The following TRABD2A variants were observed in gnomAD, a reference collection of about 807,000 sequenced individuals.
TRABD2A encodes TraB domain containing 2A, also known as metalloprotease TIKI1.
In TRABD2A, 43 loss-of-function variants were observed where a neutral mutation model predicts 45.6. That is an observed-to-expected ratio of 0.94 (90% CI 0.74 to 1.22). TRABD2A has a LOEUF of 1.22. Among genes scored for constraint, TRABD2A ranks in the 50% most tolerant of loss-of-function variants. The pLI is 0.00. For synonymous variants in TRABD2A, 269 were observed against 265.0 expected, an observed-to-expected ratio of 1.02 and a Z score of -0.15; for missense variants, 642 against 652.4, an observed-to-expected ratio of 0.98 and a Z score of 0.17.
intron 6 of TRABD2A, 116 bp downstream of exon 6, chr2:84,823,835 GAA>G: frequency 7.1e-7 from 1 of 1,402,588 alleles, no homozygotes; most frequent in East Asian, 2.4e-5. Flanking sequence ...GGGTCATGAG[GAA>G]AGGGAAAGGT....
chr2:84,830,052 G>A lies in TRABD2A; in HGVS notation c.1082+2003C>T, dbSNP rs1037429579. 6.6e-6 allele frequency among the ~76,000 whole-genome samples: 1 copy of A among 151,940 alleles called. No homozygotes were observed. Among genetic ancestry groups the A allele is most frequent in the African/African-American group, 2.4e-5 (1 of 41,362 alleles). On this transcript the variant is annotated intron_variant, in intron 5 of 6. Coordinates refer to ENST00000409520, the MANE Select transcript of TRABD2A (RefSeq NM_001277053.2). This position sits in a 1 kb window ranked among gnomAD's most constrained non-coding sequence, Gnocchi z 4.9. ...CCACACACACGTACACACTCCCCAG[G>A]TAGGGCCCTCTCCAGCACCCTAAGG...
At chr2:84,831,579 C>G (rs1156859253) in intron 5 of TRABD2A, among the ~76,000 whole-genome samples, 1 of 151,924 alleles carries the variant, frequency 6.6e-6, no homozygotes, top group Non-Finnish European at 1.5e-5. Flanking sequence ...GAGGAAACAG[C>G]TCAGAGAAAA....
chr2:84,858,214 G>A (rs965655474), intron 2 of TRABD2A, among the ~76,000 whole-genome samples: 7 of 151,878 alleles, frequency 4.6e-5, no homozygotes, highest in African/African-American at 7.3e-5. Context: ...CTGTATAGCC[G>A]TTCTATGCAT....
chr2:84,843,034 C>T (rs1257988468), intron 2 of TRABD2A, among the ~76,000 whole-genome samples: 4 of 151,446 alleles, frequency 2.6e-5, no homozygotes. Context: ...AGAGCTGGGT[C>T]AGAGGTGGGG....
At chr2:84,826,145 C>T (rs2105370406) in intron 5 of TRABD2A, among the ~76,000 whole-genome samples, 1 of 152,304 alleles carries the variant, frequency 6.6e-6, no homozygotes, top group East Asian at 1.9e-4. Flanking sequence ...ATGGTAGGCA[C>T]TCAAGAAAAG....
intron 2 of TRABD2A, among the ~76,000 whole-genome samples, chr2:84,862,429 A>G (rs1351655519): frequency 2.0e-5 from 3 of 152,084 alleles, no homozygotes; most frequent in Non-Finnish European, 4.4e-5. Context: ...CTGCCAGCCT[A>G]GTTCACCAGG....
At chr2:84,832,263 G>T in intron 4 of TRABD2A, 118 bp from the exon 5 acceptor site, 4 of 1,005,358 alleles carry the variant, frequency 4.0e-6, no homozygotes, top group Non-Finnish European at 6.1e-6. Context: ...TATCTGTCCA[G>T]CACAGTACAG....
At position 84,870,197 on chromosome 2, in the gene TRABD2A, T is replaced by C. The variant is rs944988096; in HGVS notation, c.669+28A>G. The C allele has an allele frequency of 4.5e-6, 7 of 1,572,658 alleles. No homozygotes were observed. The East Asian group carries it at 1.6e-4, about 35-fold the overall frequency. ...ATTCACCCATACAACCAAATGCCAC[T>C]AAGTCTTTTATGCAAAGAGAGTCTT... On this transcript the variant is annotated intron_variant, in intron 2 of 6. Transcript: ENST00000409520.
intron 1 of TRABD2A, among the ~76,000 whole-genome samples, chr2:84,876,998 G>C (rs1683043606): frequency 6.6e-6 from 1 of 152,184 alleles, no homozygotes; most frequent in African/African-American, 2.4e-5. Flanking sequence ...CTCAAAAAGA[G>C]TTTTTTAAAG....
chr2:84,825,883 C>T (rs1035101793), intron 5 of TRABD2A, among the ~76,000 whole-genome samples: 1 of 152,092 alleles, frequency 6.6e-6, no homozygotes, highest in Non-Finnish European at 1.5e-5. Flanking sequence ...CTCGGTTGCA[C>T]ACTCCTTATG....
chr2:84,838,614 C>T lies in TRABD2A; in HGVS notation c.991+535G>A, dbSNP rs75275700. On this transcript the variant is annotated intron_variant, in intron 4 of 6. Transcript: ENST00000409520. Reference sequence around the variant, plus strand: ...CTGTCCAGCCTCTGGCATTTCTATCCTCATTTCCTGAGGCTGCAAAGAATT... The same window carrying T: ...CTGTCCAGCCTCTGGCATTTCTATCTTCATTTCCTGAGGCTGCAAAGAATT... 5.2e-3 allele frequency among the ~76,000 whole-genome samples: 793 copies of T among 152,310 alleles called. 1 individual carries two copies. Among genetic ancestry groups the T allele is most frequent in the African/African-American group, 0.018 (735 of 41,566 alleles).
At chr2:84,824,250 G>A (rs1225053649) in intron 5 of TRABD2A, 46 bp from the exon 6 acceptor site, 2 of 1,606,006 alleles carry the variant, frequency 1.2e-6, no homozygotes, top group Non-Finnish European at 8.5e-7. Flanking sequence ...GGGTCACACA[G>A]CATGGCGCCC....
rs1306938818 is a variant in TRABD2A at position 84,880,912 on chromosome 2, G to A, written c.108+20C>T. The A allele has an allele frequency of 1.5e-5, 23 of 1,574,242 alleles. No homozygotes were observed. The highest frequency in any genetic ancestry group is 1.1e-4 in the Admixed American group (6 of 54,046). On this transcript the variant is annotated intron_variant, in intron 1 of 6. Coordinates refer to ENST00000409520, the MANE Select transcript of TRABD2A (RefSeq NM_001277053.2). ...GAGGTGCAGAGAGGCCGGCTCTCCA[G>A]CACCCGACGCGCGCCTTACTTGGGG...
intron 1 of TRABD2A, among the ~76,000 whole-genome samples, chr2:84,878,861 G>A (rs1353467472): frequency 1.3e-5 from 2 of 152,188 alleles, no homozygotes; most frequent in African/African-American, 2.4e-5. Flanking sequence ...CATGTGTGCC[G>A]CTGATTGGCC....
Position 84,824,042 on chromosome 2 carries a change from G to C in TRABD2A, c.1245C>G (p.Ala415=), listed in dbSNP as rs779506562. 4.3e-6 allele frequency: 7 copies of C among 1,613,732 alleles called. No individual in the cohort carries two copies. The highest frequency in any genetic ancestry group is 1.7e-5 in the Admixed American group (1 of 59,974). ...TCCGCTTCTTCCGGAACCTCTGTTC[G>C]GCCTCACTGGGCGTGTCGGCACTTC... ...RPGSADTPSE[A]EQRFRKKRRR... is the part of the protein sequence containing the mutation. The change falls in exon 6 of 7, where the codon GCC becomes GCG. Residue 415 remains alanine (A), a synonymous_variant. Coordinates refer to ENST00000409520, the MANE Select transcript of TRABD2A (RefSeq NM_001277053.2).
intron 1 of TRABD2A, among the ~76,000 whole-genome samples, chr2:84,878,878 A>G (rs78558383): frequency 4.6e-5 from 7 of 152,344 alleles, no homozygotes; most frequent in South Asian, 2.1e-4. Context: ...GGCCTTCCCA[A>G]TTCCGCAGGG....
chr2:84,874,480 C>T (rs1682962560), intron 1 of TRABD2A, among the ~76,000 whole-genome samples: 1 of 152,192 alleles, frequency 6.6e-6, no homozygotes, highest in Admixed American at 6.5e-5. Context: ...CACACAGTTC[C>T]CTGTTGGTGC....
rs758593049 is a variant in TRABD2A at position 84,881,051 on chromosome 2, C to A, written c.-12G>T. 1.3e-5 allele frequency: 21 copies of A among 1,587,490 alleles called. No homozygotes were observed. The highest frequency in any genetic ancestry group is 2.3e-5 in the East Asian group (1 of 43,500). On this transcript the variant is annotated 5_prime_UTR_variant, in exon 1 of 7. Transcript: ENST00000409520. ...CTCCAGGGACTCATCCTCCTCAAGG[C>A]GGCTCCGAGGCCCGGAACGCGGAGG... is the stretch of plus-strand genomic sequence containing the variant.
intron 4 of TRABD2A, chr2:84,835,307 C>CA (rs1456692351): frequency 6.6e-6 from 1 of 152,106 alleles, no homozygotes; most frequent in African/African-American, 2.4e-5. Flanking sequence ...GTTGCTGTTA[C>CA]AAAATACCAC....
Sources: gnomAD v4.1 joint callset for allele counts (sites outside exome capture counted in the v4.1 genomes callset) on GRCh38, gnomAD v4.1.1 for gene constraint, Gnocchi (gnomAD v3.1) non-coding constraint, MANE v1.5 for transcripts, NCBI Gene and HGNC (gene_info 2026-07-23, HGNC 2026-07-21) for gene names.